Variants in DEPDC7 observed in about 807,000 individuals in gnomAD.
DEPDC7 encodes the protein DEP domain containing 7.
A neutral mutation model predicts 56.6 loss-of-function variants in DEPDC7; 41 were observed. The observed-to-expected ratio is 0.72, with a 90% CI of 0.56 to 0.94. DEPDC7 has a LOEUF of 0.94. Among genes scored for constraint, DEPDC7 ranks in the 40% least tolerant of loss-of-function variants. The pLI, the probability that DEPDC7 is intolerant of heterozygous loss-of-function variation, is 0.00. For missense variants in DEPDC7, 522 were observed against 596.3 expected (o/e 0.88, Z 1.30); for synonymous variants, 185 against 208.8 (o/e 0.89, Z 0.98).
At chr11:33,020,303 T>C (rs879831140) in intron 1 of DEPDC7, among the ~76,000 whole-genome samples, 11 of 152,240 alleles carry the variant, frequency 7.2e-5, no homozygotes, top group Admixed American at 2.6e-4. Context: ...CTTAGAAGTT[T>C]AACTTTTACT....
At chr11:33,027,562 G>T in intron 2 of DEPDC7, 124 bp from the exon 3 acceptor site, 2 of 751,916 alleles carry the variant, frequency 2.7e-6, no homozygotes, top group Admixed American at 4.0e-5. Flanking sequence ...TCTACTCTTA[G>T]AATTTGGATT....
In DEPDC7 at chr11:33,028,787, C is replaced by G. The variant is rs1853604583; in HGVS notation, c.777C>G (p.Asp259Glu). Residue 259 changes from aspartate to glutamate, a missense_variant, in exon 4 of 9, where the codon GAC becomes GAG. Coordinates refer to ENST00000241051, the MANE Select transcript of DEPDC7 (RefSeq NM_001077242.2). ...GAGGGATTCTCAAGGCTTATAGTGA[C>G]TCTCAGTATGTGGAAATACATATAA... ...LDRGILKAYS[D>E]SQEDEWLSAA... 6.2e-7 allele frequency: 1 copy of G among 1,600,446 alleles called. No individual in the cohort carries two copies. The highest frequency in any genetic ancestry group is 8.5e-7 in the Non-Finnish European group (1 of 1,175,332).
rs748939085 is a variant in DEPDC7, at chr11:33,032,749, C to A, written c.1219C>A (p.Leu407Ile). 3 of 1,605,708 alleles carry A rather than the reference C, an allele frequency of 1.9e-6. No individual in the cohort carries two copies. The highest frequency in any genetic ancestry group is 2.2e-5 in the East Asian group (1 of 44,588). Residue 407 changes from leucine to isoleucine, a missense_variant, in exon 7 of 9, where the codon CTT becomes ATT. Transcript: ENST00000241051. ...NKNLSKGKTD[L>I]LVLFLMDHQK... ...AAATTTATCCAAAGGCAAAACAGAT[C>A]TTCTGGTACTCTTTTTAATGGATCA...
chr11:33,019,540 C>T (rs947383464), intron 1 of DEPDC7, among the ~76,000 whole-genome samples: 3 of 151,980 alleles, frequency 2.0e-5, no homozygotes, highest in Non-Finnish European at 4.4e-5. Context: ...GTGGCGCACA[C>T]CTGTAATCCC....
At position 33,025,767 on chromosome 11, in the gene DEPDC7, G is replaced by T. The variant is rs200057806; in HGVS notation, c.182G>T (p.Arg61Leu). 3.7e-6 allele frequency: 6 copies of T among 1,614,112 alleles called. No individual in the cohort carries two copies. The Admixed American group carries it at 6.7e-5, about 18-fold the overall frequency. The change falls in exon 2 of 9, where the codon CGA (arginine) becomes CTA (leucine). Residue 61 changes from arginine (R) to leucine (L), a missense_variant. Coordinates refer to ENST00000241051, the MANE Select transcript of DEPDC7 (RefSeq NM_001077242.2). ...EVKKRRHRLK[R>L]HNDCFVGSEA... ...AAAAAACGAAGGCACCGTTTAAAAC[G>T]ACATAATGACTGCTTTGTTGGTTCA...
Position 33,025,943 on chromosome 11 carries a change from A to G in DEPDC7, c.358A>G (p.Lys120Glu). Residue 120 changes from lysine (K) to glutamate (E), a missense_variant, in exon 2 of 9, where the codon AAA becomes GAA. Lys to Glu is a moderately conservative substitution (Grantham distance 56, BLOSUM62 1). Coordinates refer to ENST00000241051, the MANE Select transcript of DEPDC7 (RefSeq NM_001077242.2). ...AVPTKVFGKD[K>E]KPTFEDSSCS... ...TCCAACCAAAGTCTTTGGAAAAGAC[A>G]AAAAACCTACATTTGAAGATAGTAG... 1.1e-5 allele frequency: 17 copies of G among 1,614,122 alleles called. No individual in the cohort carries two copies. The highest frequency in any genetic ancestry group is 1.4e-5 in the Non-Finnish European group (16 of 1,179,996).
chr11:33,032,508 T>C (rs372282761), intron 6 of DEPDC7, 30 bp downstream of exon 6: 13 of 1,528,156 alleles, frequency 8.5e-6, no homozygotes, highest in Non-Finnish European at 1.0e-5. Context: ...GTTAGTTGTA[T>C]TTAATATCCT....
At chr11:33,017,999 G>A (rs1481632431) in intron 1 of DEPDC7, among the ~76,000 whole-genome samples, 2 of 152,188 alleles carry the variant, frequency 1.3e-5, no homozygotes. Flanking sequence ...ATTAATGTAT[G>A]TGAATTAAAG....
Position 33,026,199 on chromosome 11 carries a change from T to C in DEPDC7, c.464+150T>C, listed in dbSNP as rs1285899856. The C allele has an allele frequency of 5.0e-6, 4 of 800,966 alleles. No individual in the cohort carries two copies. The South Asian group carries it at 6.5e-5, about 13-fold the overall frequency. The allele number at this position is 800,966 out of a possible 1,614,324, so 49.6% of individuals were successfully genotyped here. A position where few individuals can be genotyped will look rare whatever the true frequency, so the allele number is the denominator to read the frequency against. On this transcript the variant is annotated intron_variant, in intron 2 of 8. Coordinates refer to ENST00000241051, the MANE Select transcript of DEPDC7 (RefSeq NM_001077242.2). ...GTAAATTTGATAAAGTGCGATGAAA[T>C]TTTGTTAGCTTTATTGGGTGTCTCC...
intron 8 of DEPDC7, 80 bp from the exon 9 acceptor site, chr11:33,033,182 G>A: frequency 8.6e-7 from 1 of 1,165,616 alleles, no homozygotes; most frequent in Non-Finnish European, 1.2e-6. Flanking sequence ...AAAACATAAA[G>A]ACAAGAATAT....
At chr11:33,027,855 T>C (rs1853594583) in intron 3 of DEPDC7, 42 bp downstream of exon 3, 1 of 1,473,772 alleles carries the variant, frequency 6.8e-7, no homozygotes, top group Non-Finnish European at 8.9e-7. Context: ...GAAGACAAAC[T>C]TCAAAGTTAT....
intron 3 of DEPDC7, 33 bp from the exon 4 acceptor site, chr11:33,028,570 G>A (rs1408797278): frequency 1.3e-6 from 2 of 1,523,080 alleles, no homozygotes; most frequent in Non-Finnish European, 1.8e-6. Flanking sequence ...ACTATTAATT[G>A]TTACTTTTCA....
chr11:33,025,844 G>A lies in DEPDC7; in HGVS notation c.259G>A (p.Asp87Asn). Residue 87 changes from aspartate (D) to asparagine (N), a missense_variant, in exon 2 of 9, where the codon GAT (aspartate) becomes AAT (asparagine). Coordinates refer to ENST00000241051, the MANE Select transcript of DEPDC7 (RefSeq NM_001077242.2). ...SHLIQNKYFGDVDIPRAKVVR... is the reference protein window; with the variant it reads ...SHLIQNKYFGNVDIPRAKVVR... Reference sequence around the variant, plus strand: ...CCTAATTCAGAATAAGTATTTTGGTGATGTAGATATTCCTCGAGCCAAAGT... The same window carrying A: ...CCTAATTCAGAATAAGTATTTTGGTAATGTAGATATTCCTCGAGCCAAAGT... 6.2e-7 allele frequency: 1 copy of A among 1,614,192 alleles called. No individual in the cohort carries two copies. Among genetic ancestry groups the A allele is most frequent in the Non-Finnish European group, 8.5e-7 (1 of 1,180,026 alleles).
intron 1 of DEPDC7, among the ~76,000 whole-genome samples, chr11:33,017,563 G>A (rs1287738615): frequency 6.6e-6 from 1 of 152,168 alleles, no homozygotes; most frequent in Non-Finnish European, 1.5e-5. Flanking sequence ...GCCCGCTGTT[G>A]TTCTCACTCG....
chr11:33,015,898 C>CAG lies in DEPDC7; in HGVS notation c.-57_-56dup, dbSNP rs1853450315. 1.3e-6 allele frequency: 2 copies of CAG among 1,505,612 alleles called. No individual in the cohort carries two copies. The highest frequency in any genetic ancestry group is 2.8e-5 in the African/African-American group (2 of 70,578). 93.3% of individuals were successfully genotyped at this position (1,505,612 alleles called of 1,614,324 possible). A position where few individuals can be genotyped will look rare whatever the true frequency, so the allele number is the denominator to read the frequency against. ...CCCGCACAGTTAACAGACGGGCGCT[C>CAG]AGGGAGCTAGGGAGCTGTGAAGCTG... On this transcript the variant is annotated 5_prime_UTR_variant, in exon 1 of 9. Transcript: ENST00000241051.
At chr11:33,022,111 T>C (rs371597296) in intron 1 of DEPDC7, among the ~76,000 whole-genome samples, 4 of 152,206 alleles carry the variant, frequency 2.6e-5, no homozygotes, top group East Asian at 1.9e-4. Flanking sequence ...GTCTGTCTCA[T>C]TGGTTCTTAA....
intron 3 of DEPDC7, chr11:33,028,109 A>C (rs1376119952): frequency 4.2e-6 from 1 of 239,184 alleles, no homozygotes; most frequent in Non-Finnish European, 7.9e-6. Context: ...TCTTTTCCTA[A>C]GATTTTATTA....
At position 33,023,742 on chromosome 11, in the gene DEPDC7, G is replaced by C. The variant is rs139920397; in HGVS notation, c.74-1917G>C. 2.5e-4 allele frequency among the ~76,000 whole-genome samples: 38 copies of C among 152,266 alleles called. 3 individuals carry two copies. The East Asian group carries it at 7.3e-3, about 29-fold the overall frequency. On this transcript the variant is annotated intron_variant, in intron 1 of 8. Transcript: ENST00000241051. ...GAGAGGGTTTCACCACCTTCGGCAGGCTGTAAAGGAGTTTTAATAATGTCC... is the reference window on the plus strand; with the variant it reads ...GAGAGGGTTTCACCACCTTCGGCAGCCTGTAAAGGAGTTTTAATAATGTCC...
In DEPDC7 at chr11:33,021,122, G is replaced by A. The variant is rs370994926; in HGVS notation, c.74-4537G>A. ...AAAAATTAGCTGCACGTGGTGGCGC[G>A]TGCCTGTAATCCTAGCTACTTGGGA... is the stretch of plus-strand genomic sequence containing the variant. On this transcript the variant is annotated intron_variant, in intron 1 of 8. Transcript: ENST00000241051. Among the ~76,000 whole-genome samples the A allele has an allele frequency of 4.7e-4, 72 of 151,988 alleles. 1 individual carries two copies. The highest frequency in any genetic ancestry group is 1.7e-3 in the African/African-American group (69 of 41,476).
Sources: gnomAD v4.1 joint callset for allele counts (sites outside exome capture counted in the v4.1 genomes callset) on GRCh38, gnomAD v4.1.1 for gene constraint, MANE v1.5 for transcripts, NCBI Gene and HGNC (gene_info 2026-07-23, HGNC 2026-07-21) for gene names.